S100Z: variants seen among roughly 807,000 people sequenced by gnomAD.
S100Z encodes S100 calcium binding protein Z, also known as protein S100-Z.
S100Z carries 11 observed loss-of-function variants against 8.5 expected under a neutral mutation model. The observed-to-expected ratio is 1.30, with a 90% CI of 0.82 to 2.15. The LOEUF (loss-of-function observed/expected upper bound fraction) is 2.15. S100Z is among the 30% of genes most tolerant of loss of function. The pLI, the probability that S100Z is intolerant of heterozygous loss-of-function variation, is 0.00. For missense variants in S100Z, 126 were observed against 117.9 expected (o/e 1.07, Z -0.32); for synonymous variants, 34 against 43.8 (o/e 0.78, Z 0.89).
chr5:76,871,969 G>A (rs1743025288), intron 2 of S100Z, among the ~76,000 whole-genome samples: 1 of 152,214 alleles, frequency 6.6e-6, no homozygotes, highest in Non-Finnish European at 1.5e-5. Context: ...AGGTACAGTG[G>A]CTCATGCCCA....
intron 4 of S100Z, among the ~76,000 whole-genome samples, chr5:76,899,217 G>A (rs1247829306): frequency 6.6e-6 from 1 of 152,244 alleles, no homozygotes; most frequent in East Asian, 1.9e-4. Flanking sequence ...ACAGGTGTGA[G>A]CCACTGCACC....
the S100Z span, among the ~76,000 whole-genome samples, chr5:76,942,527 A>ATGAT: frequency 2.6e-5 from 4 of 152,030 alleles, no homozygotes; most frequent in African/African-American, 9.7e-5. Flanking sequence ...CACAATAGTA[A>ATGAT]TGATTAGAAA....
chr5:76,909,711 T>C (rs1453318671), intron 4 of S100Z, among the ~76,000 whole-genome samples: 1 of 152,104 alleles, frequency 6.6e-6, no homozygotes, highest in Non-Finnish European at 1.5e-5. Context: ...GGGAGGGGAA[T>C]TTGGCCCAAC....
intron 4 of S100Z, among the ~76,000 whole-genome samples, chr5:76,914,130 AAG>A (rs1744771297): frequency 6.6e-6 from 1 of 152,084 alleles, no homozygotes; most frequent in Non-Finnish European, 1.5e-5. Flanking sequence ...CACTGGCCTA[AAG>A]AGTTCCCCTC....
At chr5:76,921,911 C>T (rs1389732421), downstream of S100Z, among the ~76,000 whole-genome samples, 1 of 151,460 alleles carries the variant, frequency 6.6e-6, no homozygotes, top group Non-Finnish European at 1.5e-5. Flanking sequence ...ATTGTTTGAA[C>T]TCAGGAGGCA....
At chr5:76,911,506 A>G (rs926639872) in intron 4 of S100Z, among the ~76,000 whole-genome samples, 1 of 152,166 alleles carries the variant, frequency 6.6e-6, no homozygotes, top group African/African-American at 2.4e-5. Context: ...CAGACCACAC[A>G]TCTCAACTTA....
chr5:76,872,806 C>A (rs1377228005), intron 2 of S100Z, among the ~76,000 whole-genome samples: 2 of 151,784 alleles, frequency 1.3e-5, no homozygotes, highest in Non-Finnish European at 2.9e-5. Context: ...ACTACAAATA[C>A]AAAAATAAAA....
chr5:76,883,473 T>C (rs1331304335), intron 4 of S100Z, among the ~76,000 whole-genome samples: 1 of 152,140 alleles, frequency 6.6e-6, no homozygotes, highest in Non-Finnish European at 1.5e-5. Flanking sequence ...TGGCCGTCAA[T>C]ACCAACAACA....
At chr5:76,878,540 C>A (rs1161228631) in intron 4 of S100Z, among the ~76,000 whole-genome samples, 2 of 152,214 alleles carry the variant, frequency 1.3e-5, no homozygotes, top group Non-Finnish European at 1.5e-5. Context: ...CTGCTCCAAC[C>A]CTGAGTTTTC....
chr5:76,899,883 T>A (rs1465088327), intron 4 of S100Z, among the ~76,000 whole-genome samples: 1 of 152,250 alleles, frequency 6.6e-6, no homozygotes, highest in Non-Finnish European at 1.5e-5. Flanking sequence ...ATTGTCCTTT[T>A]CTTTTTGATT....
chr5:76,925,453 GA>G (rs1306781830), downstream of S100Z, among the ~76,000 whole-genome samples: 2 of 152,204 alleles, frequency 1.3e-5, no homozygotes, highest in Non-Finnish European at 2.9e-5. Context: ...TACTCCAGGA[GA>G]AACAGGGTTC....
intron 4 of S100Z, among the ~76,000 whole-genome samples, chr5:76,883,502 A>G (rs962625581): frequency 6.6e-6 from 1 of 152,190 alleles, no homozygotes; most frequent in African/African-American, 2.4e-5. Flanking sequence ...GGCAAGGGAA[A>G]CAGGCCTTTG....
intron 4 of S100Z, among the ~76,000 whole-genome samples, chr5:76,879,813 C>T (rs1313576783): frequency 6.6e-6 from 1 of 152,018 alleles, no homozygotes; most frequent in African/African-American, 2.4e-5. Flanking sequence ...GAGAAGACAG[C>T]ACGTGGAGAA....
At chr5:76,928,926 G>C in the S100Z span, among the ~76,000 whole-genome samples, 1 of 152,208 alleles carries the variant, frequency 6.6e-6, no homozygotes, top group South Asian at 2.1e-4. Flanking sequence ...ATTTTTCGTA[G>C]AGACAAGGTC....
chr5:76,925,829 T>C (rs1041593375), downstream of S100Z, among the ~76,000 whole-genome samples: 2 of 152,086 alleles, frequency 1.3e-5, no homozygotes, highest in Non-Finnish European at 2.9e-5. Flanking sequence ...TAGCAGGGTG[T>C]GGTGGCGTGC....
intron 1 of S100Z, among the ~76,000 whole-genome samples, chr5:76,853,552 T>G (rs1199827119): frequency 6.6e-6 from 1 of 151,396 alleles, no homozygotes; most frequent in Admixed American, 6.6e-5. Flanking sequence ...TCCCAGCACT[T>G]TGGGAGGCTG....
rs145931534 is a variant in S100Z at position 76,880,841 on chromosome 5, G to A, written c.*2+3007G>A. On this transcript the variant is annotated intron_variant, in intron 4 of 4. Transcript: ENST00000317593. ...CACTCTTCATTTAAAAATATACAGAGTCCCCTTTTTTTCTTCATTTAAAAA... is the reference window on the plus strand; with the variant it reads ...CACTCTTCATTTAAAAATATACAGAATCCCCTTTTTTTCTTCATTTAAAAA... 8.9e-3 allele frequency among the ~76,000 whole-genome samples: 1,356 copies of A among 152,204 alleles called. 15 individuals carry two copies. Among genetic ancestry groups the A allele is most frequent in the African/African-American group, 0.031 (1,290 of 41,534 alleles).
Position 76,906,966 on chromosome 5 carries a change from TTGTGTG to T in S100Z, c.*3-13745_*3-13740del, listed in dbSNP as rs111648836. 8.0e-3 allele frequency among the ~76,000 whole-genome samples: 470 copies of T among 58,554 alleles called. 4 individuals carry two copies. Among genetic ancestry groups the T allele is most frequent in the African/African-American group, 0.017 (439 of 26,124 alleles). The allele number at this position is 58,554 out of a possible 152,430, so 38.4% of individuals were successfully genotyped here. A position where few individuals can be genotyped will look rare whatever the true frequency, so the allele number is the denominator to read the frequency against. ...TTTTTAAAGGCTGAATAGTATTCCA[TTGTGTG>T]TGTGTATATATATATATATATATAT... On this transcript the variant is annotated intron_variant, in intron 4 of 4. Transcript: ENST00000317593.
chr5:76,936,659 C>A, the S100Z span, among the ~76,000 whole-genome samples: 68 of 62,062 alleles, frequency 1.1e-3, no homozygotes, highest in South Asian at 7.4e-3. Flanking sequence ...ACACACACAA[C>A]CATGAAGGAA....
Sources: allele counts gnomAD v4.1 joint callset (sites outside exome capture counted in the v4.1 genomes callset), GRCh38; gene constraint gnomAD v4.1.1; transcripts MANE v1.5; gene names NCBI Gene and HGNC (gene_info 2026-07-23, HGNC 2026-07-21).